PPP3CA: variants seen among roughly 807,000 people sequenced by gnomAD.
The protein encoded by PPP3CA is protein phosphatase 3 catalytic subunit alpha, also known as CAM-PRP catalytic subunit.
Under a neutral mutation model 66.5 loss-of-function variants are expected in PPP3CA, and 14 were observed. That is an observed-to-expected ratio of 0.21 (90% confidence interval 0.14 to 0.33). PPP3CA has a LOEUF of 0.33. PPP3CA is among the 10% of genes least tolerant of loss of function. The probability of loss-of-function intolerance (pLI) is 1.00; values close to 1 mark genes in which losing one functional copy is unlikely to be tolerated. For missense variants in PPP3CA, 317 were observed against 639.5 expected (o/e 0.50, Z 5.44); for synonymous variants, 232 against 226.2 (o/e 1.03, Z -0.23).
chr4:101,257,973 A>C (rs535049144), intron 1 of PPP3CA, among the ~76,000 whole-genome samples: 1 of 152,218 alleles, frequency 6.6e-6, no homozygotes, highest in Non-Finnish European at 1.5e-5. Flanking sequence ...GTCCAGAGGC[A>C]GGGAAACGTA....
rs1726555242 is a variant in PPP3CA at position 101,024,901 on chromosome 4, CCGATACAGCCATTTT to C, written c.*949_*963del. On this transcript the variant is annotated 3_prime_UTR_variant, in exon 14 of 14. Coordinates refer to ENST00000394854, the MANE Select transcript of PPP3CA (RefSeq NM_000944.5). ...TAAGCGCATTACAGTCCCATACAGG[CCGATACAGCCATTTT>C]TTTTTTCTTAAAAAACATGCATAGG... The C allele has an allele frequency of 6.6e-6, 1 of 152,146 alleles. No individual in the cohort carries two copies. The highest frequency in any genetic ancestry group is 1.5e-5 in the Non-Finnish European group (1 of 67,986). The allele number at this position is 152,146 out of a possible 1,614,324, so 9.4% of individuals were successfully genotyped here.
intron 2 of PPP3CA, among the ~76,000 whole-genome samples, chr4:101,109,304 TAACTA>T (rs1243735727): frequency 2.2e-5 from 2 of 91,976 alleles, no homozygotes; most frequent in African/African-American, 1.1e-4. Context: ...GTATACAGAT[TAACTA>T]AAAAAAAAAA....
chr4:101,303,610 T>G (rs1728446981), intron 1 of PPP3CA, among the ~76,000 whole-genome samples: 1 of 152,196 alleles, frequency 6.6e-6, no homozygotes, highest in African/African-American at 2.4e-5. Context: ...AAAATACATC[T>G]TTAACAATTA....
chr4:101,069,461 C>A (rs1015013252), intron 8 of PPP3CA, among the ~76,000 whole-genome samples: 2 of 152,102 alleles, frequency 1.3e-5, no homozygotes, highest in African/African-American at 4.8e-5. Flanking sequence ...ACCTACAACA[C>A]CTTTTCAAAC....
intron 1 of PPP3CA, among the ~76,000 whole-genome samples, chr4:101,322,634 T>C (rs1219156974): frequency 6.6e-5 from 10 of 152,124 alleles, no homozygotes; most frequent in Admixed American, 6.5e-4. Context: ...GGTCTCGAAC[T>C]CCTGACCTCA....
chr4:101,222,963 G>A (rs529784566), intron 1 of PPP3CA, among the ~76,000 whole-genome samples: 1 of 151,828 alleles, frequency 6.6e-6, no homozygotes, highest in East Asian at 1.9e-4. Flanking sequence ...TCATTTGTAT[G>A]TGAAAGATAG....
At chr4:101,302,529 G>A (rs984035549) in intron 1 of PPP3CA, among the ~76,000 whole-genome samples, 44 of 152,096 alleles carry the variant, frequency 2.9e-4, no homozygotes, top group African/African-American at 9.9e-4. Context: ...CTGCCATTAC[G>A]GCACTTTTCT....
intron 1 of PPP3CA, among the ~76,000 whole-genome samples, chr4:101,243,501 T>C (rs181740341): frequency 6.6e-6 from 1 of 152,270 alleles, no homozygotes; most frequent in East Asian, 1.9e-4. Flanking sequence ...GCAACTATAC[T>C]GAACATATAT....
intron 1 of PPP3CA, among the ~76,000 whole-genome samples, chr4:101,318,066 G>A (rs1046510910): frequency 3.9e-5 from 6 of 152,118 alleles, no homozygotes; most frequent in Non-Finnish European, 8.8e-5. Context: ...AGTAAACAAC[G>A]TATCAAAACA....
chr4:101,131,398 A>C (rs986723087), intron 2 of PPP3CA, among the ~76,000 whole-genome samples: 1 of 150,316 alleles, frequency 6.7e-6, no homozygotes, highest in African/African-American at 2.4e-5. Flanking sequence ...GGAATGGAGG[A>C]AGATTTACCA....
At position 101,024,153 on chromosome 4, in the gene PPP3CA, C is replaced by T. The variant is rs1405178001; in HGVS notation, c.*1712G>A. On this transcript the variant is annotated 3_prime_UTR_variant, in exon 14 of 14. Transcript: ENST00000394854. ...TTATCTGATTTGAGACACAAATCCA[C>T]CAAGATTCTTTCTTACAGTGGAAGT... 1.3e-5 allele frequency: 2 copies of T among 152,116 alleles called. No homozygotes were observed. The highest frequency in any genetic ancestry group is 2.9e-5 in the Non-Finnish European group (2 of 68,014). The allele number at this position is 152,116 out of a possible 1,614,324, so 9.4% of individuals were successfully genotyped here.
intron 1 of PPP3CA, among the ~76,000 whole-genome samples, chr4:101,216,578 G>T (rs567745523): frequency 6.6e-6 from 1 of 151,770 alleles, no homozygotes; most frequent in East Asian, 1.9e-4. Context: ...TCGCTCTGTT[G>T]CCCAGGCTGA....
At chr4:101,150,772 A>T (rs1031637729) in intron 2 of PPP3CA, among the ~76,000 whole-genome samples, 2 of 152,214 alleles carry the variant, frequency 1.3e-5, no homozygotes, top group South Asian at 4.1e-4. Flanking sequence ...CTACAAATTA[A>T]TATTAATCGC....
chr4:101,326,178 C>T (rs1729202652), intron 1 of PPP3CA, among the ~76,000 whole-genome samples: 1 of 152,152 alleles, frequency 6.6e-6, no homozygotes, highest in South Asian at 2.1e-4. Flanking sequence ...ATAAAATCTC[C>T]ATAAGTAATC....
chr4:101,150,974 C>A (rs374714073), intron 2 of PPP3CA, among the ~76,000 whole-genome samples: 57 of 152,154 alleles, frequency 3.7e-4, no homozygotes, highest in African/African-American at 1.3e-3. Flanking sequence ...ATGTAATCCA[C>A]AAAGGTCTAT....
At position 101,346,960 on chromosome 4, in the gene PPP3CA, C is replaced by T; in HGVS notation, c.-164G>A. 1.3e-6 allele frequency: 1 copy of T among 754,012 alleles called. No individual in the cohort carries two copies. The highest frequency in any genetic ancestry group is 2.1e-6 in the Non-Finnish European group (1 of 469,752). 46.7% of individuals were successfully genotyped at this position (754,012 alleles called of 1,614,324 possible). A position where few individuals can be genotyped will look rare whatever the true frequency, so the allele number is the denominator to read the frequency against. Reference sequence around the variant, plus strand: ...TCTGAGCTGGCTTTAAAGTTGCTGCCTTTTCCGCGCGTCCCTCCTCCGCCG... The same window carrying T: ...TCTGAGCTGGCTTTAAAGTTGCTGCTTTTTCCGCGCGTCCCTCCTCCGCCG... On this transcript the variant is annotated 5_prime_UTR_variant, in exon 1 of 14. Transcript: ENST00000394854.
At chr4:101,345,838 C>T (rs1271228878) in intron 1 of PPP3CA, among the ~76,000 whole-genome samples, 1 of 152,152 alleles carries the variant, frequency 6.6e-6, no homozygotes, top group Non-Finnish European at 1.5e-5. Flanking sequence ...ATCCAACAGC[C>T]CGTTACAAAA....
chr4:101,286,938 G>A (rs1190942562), intron 1 of PPP3CA, among the ~76,000 whole-genome samples: 1 of 151,812 alleles, frequency 6.6e-6, no homozygotes, highest in African/African-American at 2.4e-5. Context: ...TCGACAGCTG[G>A]GACTTGAACC....
intron 1 of PPP3CA, among the ~76,000 whole-genome samples, chr4:101,343,085 T>C (rs1156976243): frequency 6.6e-6 from 1 of 152,124 alleles, no homozygotes; most frequent in Non-Finnish European, 1.5e-5. Flanking sequence ...TTATCTATAG[T>C]TTCTGAGAGA....
Sources: allele counts gnomAD v4.1 joint callset (sites outside exome capture counted in the v4.1 genomes callset), GRCh38; gene constraint gnomAD v4.1.1; transcripts MANE v1.5; gene names NCBI Gene and HGNC (gene_info 2026-07-23, HGNC 2026-07-21).